KIF18A: variants seen among roughly 807,000 people sequenced by gnomAD.
KIF18A encodes kinesin family member 18A, also known as kinesin-like protein KIF18A.
In KIF18A, 67 loss-of-function variants were observed where a neutral mutation model predicts 103.3. The observed-to-expected ratio is 0.65, with a 90% CI of 0.53 to 0.79. The LOEUF (loss-of-function observed/expected upper bound fraction) is 0.79. KIF18A is among the 30% of genes least tolerant of loss of function. The pLI, the probability that KIF18A is intolerant of heterozygous loss-of-function variation, is 0.00. For synonymous variants in KIF18A, 367 were observed against 355.5 expected, an observed-to-expected ratio of 1.03 and a Z score of -0.36; for missense variants, 1,032 against 1,062.5, an observed-to-expected ratio of 0.97 and a Z score of 0.40.
chr11:28,051,135 G>C (rs1177943069), intron 13 of KIF18A, among the ~76,000 whole-genome samples: 1 of 151,694 alleles, frequency 6.6e-6, no homozygotes, highest in East Asian at 1.9e-4. Flanking sequence ...ACGAAGATTT[G>C]ATATTGGAAA....
intron 15 of KIF18A, among the ~76,000 whole-genome samples, chr11:28,029,072 G>A (rs1219576883): frequency 1.3e-5 from 2 of 152,166 alleles, no homozygotes; most frequent in East Asian, 3.9e-4. Flanking sequence ...AGGACCGGGC[G>A]GATTCACAGC....
intron 3 of KIF18A, among the ~76,000 whole-genome samples, chr11:28,091,792 T>G (rs1292458131): frequency 1.3e-5 from 2 of 152,252 alleles, no homozygotes; most frequent in Non-Finnish European, 2.9e-5. Context: ...GAAACAGAGA[T>G]AAGTAAGATA....
chr11:28,082,549 A>C (rs1851177988), intron 9 of KIF18A, among the ~76,000 whole-genome samples: 1 of 152,150 alleles, frequency 6.6e-6, no homozygotes, highest in Non-Finnish European at 1.5e-5. Context: ...ATATAATGCT[A>C]TTGCACACTT....
At chr11:28,026,611 T>C (rs983498002) in intron 15 of KIF18A, among the ~76,000 whole-genome samples, 1 of 151,822 alleles carries the variant, frequency 6.6e-6, no homozygotes, top group Non-Finnish European at 1.5e-5. Flanking sequence ...CTTTAACTTA[T>C]CTAAAATCAC....
At chr11:28,029,111 C>T (rs1423385004) in intron 15 of KIF18A, among the ~76,000 whole-genome samples, 1 of 152,166 alleles carries the variant, frequency 6.6e-6, no homozygotes, top group Non-Finnish European at 1.5e-5. Context: ...CAAAGAGGAG[C>T]TGGTACCATT....
intron 13 of KIF18A, among the ~76,000 whole-genome samples, chr11:28,041,029 T>A (rs1170450299): frequency 2.6e-5 from 4 of 151,694 alleles, no homozygotes; most frequent in African/African-American, 9.7e-5. Flanking sequence ...TGAAAAAAAG[T>A]TGTAGTCAGC....
chr11:28,105,782 G>A (rs1851496698), intron 1 of KIF18A, among the ~76,000 whole-genome samples: 1 of 152,174 alleles, frequency 6.6e-6, no homozygotes, highest in African/African-American at 2.4e-5. Flanking sequence ...ACAATGCTTA[G>A]ATTAGGTTGA....
intron 9 of KIF18A, among the ~76,000 whole-genome samples, chr11:28,080,728 A>C (rs1851155293): frequency 6.6e-6 from 1 of 152,186 alleles, no homozygotes. Flanking sequence ...GTTCAAGTGA[A>C]AGAGTTAGTT....
chr11:28,024,868 G>A (rs1052252196), intron 15 of KIF18A, among the ~76,000 whole-genome samples: 3 of 151,850 alleles, frequency 2.0e-5, no homozygotes, highest in Non-Finnish European at 2.9e-5. Context: ...CCCCCTTATC[G>A]ACGGGGGGGA....
chr11:28,078,214 C>T (rs2133548265), intron 9 of KIF18A, among the ~76,000 whole-genome samples: 1 of 152,154 alleles, frequency 6.6e-6, no homozygotes, highest in East Asian at 1.9e-4. Context: ...TAATGAAACT[C>T]TATTGGGAAT....
chr11:28,055,204 T>G (rs1850762927), intron 13 of KIF18A, among the ~76,000 whole-genome samples: 2 of 152,272 alleles, frequency 1.3e-5, no homozygotes, highest in South Asian at 4.2e-4. Context: ...CTATCCAACT[T>G]CCGTATTTTC....
rs571688872 is a variant in KIF18A, at chr11:28,106,847, T to C, written c.-47+1217A>G. 1.1e-4 allele frequency among the ~76,000 whole-genome samples: 16 copies of C among 152,210 alleles called. No homozygotes were observed. In the South Asian group the frequency reaches 3.1e-3, roughly 30 times the overall value. On this transcript the variant is annotated intron_variant, in intron 1 of 16. Transcript: ENST00000263181. Reference sequence around the variant, plus strand: ...TTAGCCGAGTGTGGTGGCAAACGCCTGTAATCCCAGCTACTCGGGAGGCTG... The same window carrying C: ...TTAGCCGAGTGTGGTGGCAAACGCCCGTAATCCCAGCTACTCGGGAGGCTG...
chr11:28,036,271 C>T lies in KIF18A; in HGVS notation c.2342G>A (p.Cys781Tyr), dbSNP rs75286891. 1 of 1,608,794 alleles carries T rather than the reference C, an allele frequency of 6.2e-7. No homozygotes were observed. Among genetic ancestry groups the T allele is most frequent in the Non-Finnish European group, 8.5e-7 (1 of 1,177,184 alleles). Reference protein sequence around the residue: ...TICEDIKSSKCKLPEQESLPN... With the variant: ...TICEDIKSSKYKLPEQESLPN... The stretch of plus-strand genomic sequence containing the variant: ...TAGTGATTCTTGTTCGGGTAATTTA[C>T]ACTTCGAGCTCTTGATGTCTTCACA... The change falls in exon 14 of 17, where the codon TGT becomes TAT. Residue 781 changes from cysteine to tyrosine, a missense_variant. Coordinates refer to ENST00000263181, the MANE Select transcript of KIF18A (RefSeq NM_031217.4).
chr11:28,105,250 A>G (rs1235321625), intron 1 of KIF18A, among the ~76,000 whole-genome samples: 1 of 152,200 alleles, frequency 6.6e-6, no homozygotes, highest in African/African-American at 2.4e-5. Context: ...TTAACTGGCT[A>G]AAGTCACACA....
At chr11:28,095,672 T>C (rs1851358892) in intron 2 of KIF18A, among the ~76,000 whole-genome samples, 1 of 152,182 alleles carries the variant, frequency 6.6e-6, no homozygotes, top group Admixed American at 6.5e-5. Context: ...CTAGATTCTA[T>C]TCAGTACAAG....
chr11:28,038,662 T>A (rs2133498940), intron 13 of KIF18A, among the ~76,000 whole-genome samples: 1 of 151,774 alleles, frequency 6.6e-6, no homozygotes, highest in East Asian at 1.9e-4. Context: ...ATTCTTATTA[T>A]ATTAGTTGAC....
In KIF18A at chr11:28,058,923, T is replaced by A; in HGVS notation, c.1948+3A>T. ...ATTTACTTAAAACGAAAGTTATACTTACAACAAGGAATAGGCTGAACTGGT... is the reference window on the plus strand; with the variant it reads ...ATTTACTTAAAACGAAAGTTATACTAACAACAAGGAATAGGCTGAACTGGT... On this transcript the variant is annotated splice_donor_region_variant and intron_variant, in intron 13 of 16. Transcript: ENST00000263181. 6.2e-7 allele frequency: 1 copy of A among 1,609,536 alleles called. No individual in the cohort carries two copies. The highest frequency in any genetic ancestry group is 8.5e-7 in the Non-Finnish European group (1 of 1,176,380).
chr11:28,061,166 A>G (rs1009921929), intron 12 of KIF18A, among the ~76,000 whole-genome samples: 1 of 152,186 alleles, frequency 6.6e-6, no homozygotes, highest in African/African-American at 2.4e-5. Flanking sequence ...TTTTATGTTT[A>G]ATCTTTTCAA....
Position 28,082,928 on chromosome 11 carries a change from T to C in KIF18A, c.1190A>G (p.Gln397Arg). 6.2e-7 allele frequency: 1 copy of C among 1,604,202 alleles called. No individual in the cohort carries two copies. Residue 397 changes from glutamine to arginine, a missense_variant, in exon 9 of 17, where the codon CAG becomes CGG. Physicochemically the swap from Gln to Arg is conservative, Grantham distance 43. Coordinates refer to ENST00000263181, the MANE Select transcript of KIF18A (RefSeq NM_031217.4). The part of the protein sequence containing the change: ...LKEKLKAYEE[Q>R]KAFTNENDQA... The stretch of plus-strand genomic sequence containing the variant: ...GTCATTTTCATTAGTGAAGGCTTTC[T>C]GTTCTTCATAGGCTTTTAGTTTTTC...
Sources: allele counts gnomAD v4.1 joint callset (sites outside exome capture counted in the v4.1 genomes callset), GRCh38; gene constraint gnomAD v4.1.1; transcripts MANE v1.5; gene names NCBI Gene and HGNC (gene_info 2026-07-23, HGNC 2026-07-21).